The following ADAM22 variants were observed in gnomAD, a reference collection of about 807,000 sequenced individuals.
ADAM22 encodes ADAM metallopeptidase domain 22.
ADAM22 carries 65 observed loss-of-function variants against 144.6 expected under a neutral mutation model. That is an observed-to-expected ratio of 0.45 (90% CI 0.37 to 0.55). The LOEUF (loss-of-function observed/expected upper bound fraction) is 0.55. Ranked by LOEUF, ADAM22 falls within the 20% of genes least tolerant of loss-of-function variation. The probability of loss-of-function intolerance (pLI) is 0.00; values close to 1 mark genes in which losing one functional copy is unlikely to be tolerated. For missense variants in ADAM22, 974 were observed against 1,184.9 expected (o/e 0.82, Z 2.61); for synonymous variants, 391 against 412.6 (o/e 0.95, Z 0.63).
At chr7:88,151,457 G>T in intron 20 of ADAM22, 137 bp downstream of exon 20, 2 of 961,082 alleles carry the variant, frequency 2.1e-6, no homozygotes, top group South Asian at 1.5e-5. Context: ...CTTAGCAGGG[G>T]CATGTTTCTG....
chr7:88,106,624 TAGA>T (rs1188130338), intron 4 of ADAM22, among the ~76,000 whole-genome samples: 1 of 152,208 alleles, frequency 6.6e-6, no homozygotes, highest in African/African-American at 2.4e-5. Context: ...TCAATTTAAT[TAGA>T]AGCTTTCAGC....
chr7:88,173,685 A>C (rs989726777), intron 26 of ADAM22, among the ~76,000 whole-genome samples: 1 of 152,064 alleles, frequency 6.6e-6, no homozygotes, highest in Non-Finnish European at 1.5e-5. Flanking sequence ...TTGAGTTGTT[A>C]TTGATTTTAA....
intron 21 of ADAM22, among the ~76,000 whole-genome samples, chr7:88,154,837 TGAAA>T (rs1321621330): frequency 7.2e-5 from 11 of 152,174 alleles, no homozygotes; most frequent in Non-Finnish European, 1.5e-4. Context: ...TCTATGTTGG[TGAAA>T]AATACAGGTT....
intron 3 of ADAM22, among the ~76,000 whole-genome samples, chr7:88,054,242 T>C (rs1215658399): frequency 6.6e-6 from 1 of 152,186 alleles, no homozygotes; most frequent in Non-Finnish European, 1.5e-5. Flanking sequence ...ATGAAATTGC[T>C]GAGTCAAAGG....
At chr7:88,034,032 C>T (rs1800917267) in intron 3 of ADAM22, among the ~76,000 whole-genome samples, 1 of 152,090 alleles carries the variant, frequency 6.6e-6, no homozygotes, top group South Asian at 2.1e-4. Flanking sequence ...GCTTGGTGCT[C>T]CACCCCAGTG....
At chr7:88,009,595 C>A (rs1794890117) in intron 3 of ADAM22, among the ~76,000 whole-genome samples, 1 of 121,836 alleles carries the variant, frequency 8.2e-6, no homozygotes. Context: ...ATATGCTATT[C>A]TAATAAAAAA....
intron 3 of ADAM22, among the ~76,000 whole-genome samples, chr7:88,014,335 A>T (rs1030725665): frequency 3.3e-5 from 5 of 152,220 alleles, no homozygotes; most frequent in Non-Finnish European, 5.9e-5. Flanking sequence ...TATTCTAGGA[A>T]GGTTCAACTT....
intron 2 of ADAM22, among the ~76,000 whole-genome samples, chr7:87,960,814 TTG>T (rs553576396): frequency 1.3e-5 from 2 of 152,154 alleles, no homozygotes; most frequent in African/African-American, 4.8e-5. Flanking sequence ...CTAATGCAGT[TTG>T]TGTGTGTGTT....
chr7:88,033,750 C>T (rs373400462), intron 3 of ADAM22, among the ~76,000 whole-genome samples: 6 of 152,076 alleles, frequency 3.9e-5, no homozygotes, highest in East Asian at 1.9e-4. Context: ...GCTGAGCTGG[C>T]GTCCAAGCCA....
At chr7:87,950,289 T>G (rs1243876830) in intron 2 of ADAM22, among the ~76,000 whole-genome samples, 1 of 77,754 alleles carries the variant, frequency 1.3e-5, no homozygotes, top group Non-Finnish European at 2.4e-5. Flanking sequence ...CCCTCCCCCC[T>G]CCCCCCACCC....
intron 2 of ADAM22, among the ~76,000 whole-genome samples, chr7:87,958,108 G>T (rs185832594): frequency 3.3e-5 from 5 of 152,050 alleles, no homozygotes; most frequent in Non-Finnish European, 7.4e-5. Context: ...CCCATTAGTA[G>T]TATTTATAGC....
chr7:87,962,912 T>C (rs780121149), intron 2 of ADAM22, among the ~76,000 whole-genome samples: 1 of 152,194 alleles, frequency 6.6e-6, no homozygotes, highest in Non-Finnish European at 1.5e-5. Flanking sequence ...CATAGGAAAT[T>C]TGTCTCGAAG....
intron 30 of ADAM22, among the ~76,000 whole-genome samples, chr7:88,188,497 A>G (rs1433620116): frequency 6.6e-6 from 1 of 152,232 alleles, no homozygotes; most frequent in Non-Finnish European, 1.5e-5. Context: ...AGATAGTGAA[A>G]TTAAGAATTA....
At chr7:88,054,667 G>A (rs1214288904) in intron 3 of ADAM22, among the ~76,000 whole-genome samples, 15 of 147,874 alleles carry the variant, frequency 1.0e-4, no homozygotes, top group Non-Finnish European at 1.3e-4. Context: ...TCCCCTGCAC[G>A]CTTCTATTAT....
chr7:87,945,923 TG>T (rs1195790087), intron 2 of ADAM22, among the ~76,000 whole-genome samples: 13 of 152,208 alleles, frequency 8.5e-5, no homozygotes, highest in African/African-American at 2.7e-4. Flanking sequence ...CTGGATTGAA[TG>T]GTAGTTCTGT....
At chr7:87,956,610 C>T (rs1177022311) in intron 2 of ADAM22, among the ~76,000 whole-genome samples, 1 of 152,168 alleles carries the variant, frequency 6.6e-6, no homozygotes, top group East Asian at 1.9e-4. Context: ...CTAACTGCCT[C>T]CCACCCTCAG....
chr7:87,954,042 C>A (rs200984138), intron 2 of ADAM22, among the ~76,000 whole-genome samples: 1 of 151,770 alleles, frequency 6.6e-6, no homozygotes, highest in Non-Finnish European at 1.5e-5. Context: ...GTGTCTCTGC[C>A]CGTGAGATGG....
Position 88,042,170 on chromosome 7 carries a change from C to T in ADAM22, c.324-33456C>T, listed in dbSNP as rs921661608. On this transcript the variant is annotated intron_variant, in intron 3 of 31. Coordinates refer to ENST00000413139, the MANE Select transcript of ADAM22 (RefSeq NM_001324418.2). The stretch of plus-strand genomic sequence containing the variant: ...AGGGGAGGGCTTTCTCACTGTTTTC[C>T]ATTGATTTTGAATACATCAGAATCT... Among the ~76,000 whole-genome samples the T allele has an allele frequency of 3.7e-4, 56 of 152,046 alleles. 1 individual carries two copies. The highest frequency in any genetic ancestry group is 1.3e-3 in the African/African-American group (52 of 41,538).
At chr7:88,195,577 G>A (rs923856145) in intron 31 of ADAM22, among the ~76,000 whole-genome samples, 4 of 151,982 alleles carry the variant, frequency 2.6e-5, no homozygotes, top group African/African-American at 4.8e-5. Context: ...GTGCAATGTC[G>A]CGATCTCGGC....
Sources: allele counts gnomAD v4.1 joint callset (sites outside exome capture counted in the v4.1 genomes callset), GRCh38; gene constraint gnomAD v4.1.1; transcripts MANE v1.5; gene names NCBI Gene and HGNC (gene_info 2026-07-23, HGNC 2026-07-21).